The following DUSP10 variants were observed in gnomAD, a reference collection of about 807,000 sequenced individuals.
The protein encoded by DUSP10 is dual specificity phosphatase 10.
In DUSP10, 14 loss-of-function variants were observed where a neutral mutation model predicts 30.8. That is an observed-to-expected ratio of 0.46 (90% CI 0.30 to 0.71). The LOEUF is 0.71. Ranked by LOEUF, DUSP10 falls within the 30% of genes least tolerant of loss-of-function variation. DUSP10 has a pLI of 0.08. For missense variants in DUSP10, 550 were observed against 619.4 expected, an observed-to-expected ratio of 0.89 and a Z score of 1.19; for synonymous variants, 254 against 250.4, an observed-to-expected ratio of 1.01 and a Z score of -0.14.
intron 2 of DUSP10, among the ~76,000 whole-genome samples, chr1:221,731,832 C>T (rs983169799): frequency 2.0e-5 from 3 of 151,942 alleles, no homozygotes; most frequent in African/African-American, 7.3e-5. Flanking sequence ...TGGTCTCAAT[C>T]TCTTGACCTC....
intron 2 of DUSP10, among the ~76,000 whole-genome samples, chr1:221,712,564 TATACTC>T (rs1481682240): frequency 2.0e-5 from 3 of 152,114 alleles, no homozygotes; most frequent in East Asian, 1.9e-4. Flanking sequence ...AAACTTCAGA[TATACTC>T]ATATAACATA....
At position 221,739,160 on chromosome 1, in the gene DUSP10, G is replaced by A. The variant is rs746433661; in HGVS notation, c.585C>T (p.Asn195=). The A allele has an allele frequency of 1.9e-6, 3 of 1,614,240 alleles. No homozygotes were observed. The South Asian group carries it at 3.3e-5, about 18-fold the overall frequency. ...TCCGCCGGCTGATCTTATCGGCACA[G>A]TTAATGTGGACAGCTCCTTGGATGT... The part of the protein sequence containing the change: ...KSHIQGAVHI[N]CADKISRRRL... Residue 195 remains asparagine (N), a synonymous_variant, in exon 2 of 4, where the codon AAC becomes AAT. Coordinates refer to ENST00000366899, the MANE Select transcript of DUSP10 (RefSeq NM_007207.6).
At position 221,713,089 on chromosome 1, in the gene DUSP10, A is replaced by G. The variant is rs149306847; in HGVS notation, c.812-6623T>C. 3.5e-3 allele frequency among the ~76,000 whole-genome samples: 537 copies of G among 152,332 alleles called. 1 individual carries two copies. Among genetic ancestry groups the G allele is most frequent in the Non-Finnish European group, 5.4e-3 (366 of 68,032 alleles). On this transcript the variant is annotated intron_variant, in intron 2 of 3. Transcript: ENST00000366899. ...AGATGACCAGAGACTACAGGGGTCA[A>G]TGTCAGTGTTGCTAGAGATGAACTT...
chr1:221,717,268 C>T (rs1558120334), intron 2 of DUSP10, among the ~76,000 whole-genome samples: 1 of 151,984 alleles, frequency 6.6e-6, no homozygotes, highest in Non-Finnish European at 1.5e-5. Context: ...TGTGGGGAGG[C>T]ACAATGACTG....
intron 2 of DUSP10, among the ~76,000 whole-genome samples, chr1:221,709,614 T>C (rs565989294): frequency 3.9e-5 from 6 of 152,170 alleles, no homozygotes; most frequent in African/African-American, 7.2e-5. Context: ...ATAAGGCTTA[T>C]GCACAGCTCT....
At chr1:221,722,858 TA>T (rs1442401468) in intron 2 of DUSP10, among the ~76,000 whole-genome samples, 1 of 151,898 alleles carries the variant, frequency 6.6e-6, no homozygotes, top group African/African-American at 2.4e-5. Flanking sequence ...CCAAAATAAA[TA>T]AAACACATGG....
intron 2 of DUSP10, among the ~76,000 whole-genome samples, chr1:221,725,337 A>C (rs1434902823): frequency 6.6e-6 from 1 of 152,214 alleles, no homozygotes; most frequent in Non-Finnish European, 1.5e-5. Context: ...GCATGTATTA[A>C]TATGAAGTCT....
chr1:221,729,589 C>A (rs1006255709), intron 2 of DUSP10, among the ~76,000 whole-genome samples: 1 of 152,182 alleles, frequency 6.6e-6, no homozygotes, highest in Admixed American at 6.5e-5. Context: ...TCTCTGAGAA[C>A]TAAATAAGAC....
intron 2 of DUSP10, among the ~76,000 whole-genome samples, chr1:221,727,625 C>T (rs1308319200): frequency 6.6e-6 from 1 of 152,158 alleles, no homozygotes; most frequent in Non-Finnish European, 1.5e-5. Flanking sequence ...TTCAACATTT[C>T]TAAAGTCATC....
chr1:221,702,345 C>A lies in DUSP10; in HGVS notation c.*67G>T. 3 of 1,528,538 alleles carry A rather than the reference C, an allele frequency of 2.0e-6. No individual in the cohort carries two copies. The highest frequency in any genetic ancestry group is 8.8e-7 in the Non-Finnish European group (1 of 1,138,788). The allele number at this position is 1,528,538 out of a possible 1,614,324, so 94.7% of individuals were successfully genotyped here. ...AAAAAAAAAAAGAAAGAAAAAAAACCAGAATCCATCCTCCTTCCTCATTGT... is the reference window on the plus strand; with the variant it reads ...AAAAAAAAAAAGAAAGAAAAAAAACAAGAATCCATCCTCCTTCCTCATTGT... On this transcript the variant is annotated 3_prime_UTR_variant, in exon 4 of 4. Transcript: ENST00000366899. This position sits in a 1 kb window ranked among gnomAD's most constrained non-coding sequence, Gnocchi z 4.5.
At chr1:221,730,689 A>T (rs1187078510) in intron 2 of DUSP10, among the ~76,000 whole-genome samples, 4 of 152,242 alleles carry the variant, frequency 2.6e-5, no homozygotes, top group Non-Finnish European at 5.9e-5. Context: ...ATATGAAAGT[A>T]CTAGGCCTGC....
At chr1:221,709,318 A>G (rs1301513708) in intron 2 of DUSP10, among the ~76,000 whole-genome samples, 1 of 150,788 alleles carries the variant, frequency 6.6e-6, no homozygotes, top group Non-Finnish European at 1.5e-5. Context: ...GGGGGGAAAA[A>G]AACCCGTGGC....
intron 1 of DUSP10, 68 bp from the exon 2 acceptor site, chr1:221,739,855 C>A (rs1661898283): frequency 7.0e-7 from 1 of 1,432,366 alleles, no homozygotes; most frequent in African/African-American, 1.4e-5. Flanking sequence ...CTCATCCAAT[C>A]CCTGGGAAAG....
intron 2 of DUSP10, among the ~76,000 whole-genome samples, chr1:221,725,021 G>A (rs955768673): frequency 2.0e-5 from 3 of 152,200 alleles, no homozygotes; most frequent in South Asian, 4.1e-4. Context: ...GATACATGGG[G>A]ATGCCTGAAG....
Position 221,739,523 on chromosome 1 carries a change from T to A in DUSP10, c.222A>T (p.Gly74=). The A allele has an allele frequency of 3.1e-6, 5 of 1,614,132 alleles. No homozygotes were observed. The highest frequency in any genetic ancestry group is 4.2e-6 in the Non-Finnish European group (5 of 1,180,020). Residue 74 remains glycine (G), a synonymous_variant, in exon 2 of 4, where the codon GGA becomes GGT. Coordinates refer to ENST00000366899, the MANE Select transcript of DUSP10 (RefSeq NM_007207.6). ...CAGTGCAGCAGCTGGCACTGCTGCATCCACAATTCAGCGAGCGGGCAGAGC... is the reference window on the plus strand; with the variant it reads ...CAGTGCAGCAGCTGGCACTGCTGCAACCACAATTCAGCGAGCGGGCAGAGC... ...SSGSARSLNC[G]CSSASCCTVA...
chr1:221,725,811 C>T (rs191118574), intron 2 of DUSP10, among the ~76,000 whole-genome samples: 82 of 151,860 alleles, frequency 5.4e-4, no homozygotes, highest in Admixed American at 9.2e-4. Context: ...CTCAGCATCT[C>T]ACTAAATCTA....
At chr1:221,717,140 A>G (rs938474384) in intron 2 of DUSP10, among the ~76,000 whole-genome samples, 10 of 152,174 alleles carry the variant, frequency 6.6e-5, no homozygotes, top group African/African-American at 2.4e-4. Context: ...ATTGGGGTTC[A>G]TGGACAGCCT....
At chr1:221,716,288 G>C (rs1219944915) in intron 2 of DUSP10, among the ~76,000 whole-genome samples, 1 of 152,052 alleles carries the variant, frequency 6.6e-6, no homozygotes, top group Non-Finnish European at 1.5e-5. Context: ...CTAGTGCAGA[G>C]AATACCATCT....
chr1:221,738,135 C>T (rs887659278), intron 2 of DUSP10, among the ~76,000 whole-genome samples: 9 of 152,110 alleles, frequency 5.9e-5, no homozygotes, highest in Admixed American at 2.6e-4. Context: ...GAAGGTGCTC[C>T]GAGAAGAGTG....
Sources: allele counts gnomAD v4.1 joint callset (sites outside exome capture counted in the v4.1 genomes callset), GRCh38; gene constraint gnomAD v4.1.1; non-coding constraint Gnocchi (gnomAD v3.1); transcripts MANE v1.5; gene names NCBI Gene and HGNC (gene_info 2026-07-23, HGNC 2026-07-21).